DAPK2: variants seen among roughly 807,000 people sequenced by gnomAD.
DAPK2 encodes the protein death-associated protein kinase 2.
DAPK2 carries 35 observed loss-of-function variants against 44.1 expected under a neutral mutation model. That is an observed-to-expected ratio of 0.79 (90% CI 0.61 to 1.05). The LOEUF (loss-of-function observed/expected upper bound fraction) is 1.05. Ranked by LOEUF, DAPK2 falls within the 50% of genes least tolerant of loss-of-function variation. The probability of loss-of-function intolerance (pLI) is 0.00; values close to 1 mark genes in which losing one functional copy is unlikely to be tolerated. For synonymous variants in DAPK2, 174 were observed against 182.6 expected, an observed-to-expected ratio of 0.95 and a Z score of 0.38; for missense variants, 453 against 483.2, an observed-to-expected ratio of 0.94 and a Z score of 0.59.
intron 7 of DAPK2, among the ~76,000 whole-genome samples, chr15:63,925,462 C>A (rs2079216134): frequency 6.6e-6 from 1 of 152,116 alleles, no homozygotes; most frequent in Admixed American, 6.6e-5. Context: ...GACCCCACAG[C>A]CACGGGACTC....
chr15:64,036,602 C>A (rs1255564224), intron 1 of DAPK2, among the ~76,000 whole-genome samples: 1 of 151,706 alleles, frequency 6.6e-6, no homozygotes, highest in Admixed American at 6.6e-5. Flanking sequence ...CAGTACAGAC[C>A]CTTTTGAGTC....
At position 63,998,522 on chromosome 15, in the gene DAPK2, G is replaced by C. The variant is rs188337060; in HGVS notation, c.93-14768C>G. ...CTCCTGCCAGAGGCTGGGCCTGGCTGGCAAGCCTCCTCTATACACAGAGAA... is the reference window on the plus strand; with the variant it reads ...CTCCTGCCAGAGGCTGGGCCTGGCTCGCAAGCCTCCTCTATACACAGAGAA... On this transcript the variant is annotated intron_variant, in intron 1 of 10. Coordinates refer to ENST00000261891, the Ensembl canonical transcript of DAPK2. 1.9e-3 allele frequency among the ~76,000 whole-genome samples: 296 copies of C among 152,334 alleles called. 6 individuals carry two copies. The highest frequency in any genetic ancestry group is 0.017 in the Admixed American group (260 of 15,308).
At chr15:63,933,253 A>T (rs979201162) in intron 4 of DAPK2, among the ~76,000 whole-genome samples, 14 of 151,996 alleles carry the variant, frequency 9.2e-5, no homozygotes, top group Non-Finnish European at 1.9e-4. Flanking sequence ...TTTTATTTTT[A>T]TTTTTTTGAG....
chr15:63,965,505 T>C (rs1197927075), intron 3 of DAPK2, among the ~76,000 whole-genome samples: 1 of 152,198 alleles, frequency 6.6e-6, no homozygotes, highest in Admixed American at 6.5e-5. Context: ...AATAGGCAGG[T>C]GGCAAAGCCA....
At chr15:63,997,494 C>T (rs1263152228) in intron 1 of DAPK2, among the ~76,000 whole-genome samples, 1 of 152,190 alleles carries the variant, frequency 6.6e-6, no homozygotes, top group African/African-American at 2.4e-5. Flanking sequence ...CCATGCCTAA[C>T]TAATTTTTGT....
intron 1 of DAPK2, among the ~76,000 whole-genome samples, chr15:64,028,659 A>G (rs1489008636): frequency 6.6e-6 from 1 of 152,226 alleles, no homozygotes; most frequent in Admixed American, 6.5e-5. Flanking sequence ...ATACTTCACT[A>G]GGAAATCCAT....
intron 1 of DAPK2, among the ~76,000 whole-genome samples, chr15:64,026,327 T>C (rs1295129654): frequency 1.3e-5 from 2 of 152,108 alleles, no homozygotes; most frequent in African/African-American, 4.8e-5. Flanking sequence ...CACTACAACA[T>C]CTGCCTTCCG....
chr15:63,936,133 CTT>C (rs1038757755), intron 4 of DAPK2, among the ~76,000 whole-genome samples: 4 of 152,148 alleles, frequency 2.6e-5, no homozygotes, highest in Admixed American at 6.5e-5. Flanking sequence ...ATTTCAGTAT[CTT>C]ATGTCCTTGA....
intron 1 of DAPK2, among the ~76,000 whole-genome samples, chr15:64,034,215 C>G (rs908827531): frequency 2.0e-5 from 3 of 150,400 alleles, no homozygotes; most frequent in African/African-American, 7.3e-5. Context: ...ATTGAACCAG[C>G]CTGGGTAAAT....
At chr15:64,028,303 C>G (rs866502133) in intron 1 of DAPK2, among the ~76,000 whole-genome samples, 8 of 152,362 alleles carry the variant, frequency 5.3e-5, no homozygotes, top group Admixed American at 5.2e-4. Flanking sequence ...AAGTGATCTG[C>G]CTGCCTTAGC....
chr15:63,968,350 G>A (rs1255662899), intron 3 of DAPK2, among the ~76,000 whole-genome samples: 1 of 152,164 alleles, frequency 6.6e-6, no homozygotes, highest in African/African-American at 2.4e-5. Context: ...CCATGGTGGG[G>A]ACTGGCAGCA....
intron 1 of DAPK2, among the ~76,000 whole-genome samples, chr15:63,985,358 T>A (rs1230674478): frequency 6.6e-6 from 1 of 152,200 alleles, no homozygotes; most frequent in Non-Finnish European, 1.5e-5. Context: ...ACATTCAGTG[T>A]GAACTCTAAC....
chr15:63,927,831 T>G (rs542796493), intron 6 of DAPK2, among the ~76,000 whole-genome samples: 2 of 151,878 alleles, frequency 1.3e-5, no homozygotes, highest in South Asian at 4.1e-4. Flanking sequence ...ACTTCTGGGC[T>G]CAAGCGATCC....
intron 3 of DAPK2, among the ~76,000 whole-genome samples, chr15:63,963,659 G>A (rs1302134805): frequency 6.6e-6 from 1 of 151,954 alleles, no homozygotes; most frequent in Non-Finnish European, 1.5e-5. Flanking sequence ...TTTAGTGAAG[G>A]TAATTTTCTC....
intron 1 of DAPK2, among the ~76,000 whole-genome samples, chr15:63,997,038 C>G (rs1444133584): frequency 6.6e-6 from 1 of 152,166 alleles, no homozygotes; most frequent in African/African-American, 2.4e-5. Flanking sequence ...ACATCTTCCT[C>G]TACACCTCTC....
At chr15:64,042,851 C>T (rs2080380098), upstream of DAPK2, among the ~76,000 whole-genome samples, 1 of 152,218 alleles carries the variant, frequency 6.6e-6, no homozygotes, top group Admixed American at 6.5e-5. This position sits in a 1 kb window ranked among gnomAD's most constrained non-coding sequence, Gnocchi z 4.7. Context: ...CCACAAGACC[C>T]AGCCAAATGC....
chr15:63,982,187 C>CTTTTTTTTTTTTTTTT (rs5813271), intron 2 of DAPK2, among the ~76,000 whole-genome samples: 2 of 107,874 alleles, frequency 1.9e-5, no homozygotes, highest in Non-Finnish European at 3.5e-5. Context: ...TCAGAATATT[C>CTTTTTTTTTTTTTTTT]TTTTTTTTTT....
upstream of DAPK2, among the ~76,000 whole-genome samples, chr15:64,042,533 G>T (rs1445622070): frequency 6.6e-6 from 1 of 152,196 alleles, no homozygotes; most frequent in Non-Finnish European, 1.5e-5. The surrounding 1 kb of genome is among the most constrained non-coding windows in gnomAD (Gnocchi z 4.7). Flanking sequence ...TCCATTTGCT[G>T]AGAGCAGGAT....
At chr15:63,996,672 G>A (rs1022995037) in intron 1 of DAPK2, among the ~76,000 whole-genome samples, 4 of 152,240 alleles carry the variant, frequency 2.6e-5, no homozygotes, top group South Asian at 2.1e-4. Flanking sequence ...TCCAGGACAC[G>A]AGCATGGAGA....
Sources: allele counts gnomAD v4.1 joint callset (sites outside exome capture counted in the v4.1 genomes callset), GRCh38; gene constraint gnomAD v4.1.1; non-coding constraint Gnocchi (gnomAD v3.1); transcripts MANE v1.5; gene names NCBI Gene and HGNC (gene_info 2026-07-23, HGNC 2026-07-21).